Variants in FABP12 observed in about 807,000 individuals in gnomAD.
The protein encoded by FABP12 is fatty acid binding protein 12.
In FABP12, 19 loss-of-function variants were observed where a neutral mutation model predicts 13.7. The ratio of observed to expected loss-of-function variants is 1.39; its 90% CI spans 0.97 to 2.04. The LOEUF (loss-of-function observed/expected upper bound fraction) is 2.04, where lower values mean the gene tolerates loss of function less well. Among genes scored for constraint, FABP12 ranks in the 30% most tolerant of loss-of-function variants. The pLI is 0.00. For missense variants in FABP12, 182 were observed against 164.2 expected, an observed-to-expected ratio of 1.11 and a Z score of -0.59; for synonymous variants, 61 against 57.0, an observed-to-expected ratio of 1.07 and a Z score of -0.32.
intron 1 of FABP12, among the ~76,000 whole-genome samples, chr8:81,531,687 C>A (rs537382703): frequency 6.6e-6 from 1 of 152,160 alleles, no homozygotes; most frequent in Non-Finnish European, 1.5e-5. Context: ...TGCCGTGGAA[C>A]TTTTGTGCCC....
At chr8:81,556,811 G>T (rs1809625224) in intron 1 of FABP12, among the ~76,000 whole-genome samples, 1 of 146,642 alleles carries the variant, frequency 6.8e-6, no homozygotes, top group South Asian at 2.1e-4. Context: ...GCTTAAAACA[G>T]TGCCTAGAAC....
chr8:81,531,524 G>A, intron 1 of FABP12, 134 bp from the exon 2 acceptor site: 1 of 523,142 alleles, frequency 1.9e-6, no homozygotes, highest in Non-Finnish European at 3.3e-6. Flanking sequence ...AAATACATCA[G>A]GATGAAAATG....
At chr8:81,544,854 G>C (rs16909332) in intron 1 of FABP12, among the ~76,000 whole-genome samples, 5,619 of 152,166 alleles carry the variant, frequency 0.037, 237 homozygotes, top group African/African-American at 0.1. Flanking sequence ...AAGTATAATG[G>C]AAGCCCAGTG....
chr8:81,557,722 A>G (rs1809643884), intron 1 of FABP12, among the ~76,000 whole-genome samples: 1 of 152,236 alleles, frequency 6.6e-6, no homozygotes. Flanking sequence ...AAGTAAAATT[A>G]TACTTTAGTT....
At chr8:81,569,588 A>G (rs1319470755) in intron 1 of FABP12, among the ~76,000 whole-genome samples, 1 of 152,226 alleles carries the variant, frequency 6.6e-6, no homozygotes, top group East Asian at 1.9e-4. Context: ...TCTCTCATCA[A>G]AACAAAAAGA....
At chr8:81,537,113 T>G (rs1346106058), upstream of FABP12, among the ~76,000 whole-genome samples, 1 of 152,216 alleles carries the variant, frequency 6.6e-6, no homozygotes, top group Non-Finnish European at 1.5e-5. Flanking sequence ...ATTTATGCCA[T>G]GGATAATGCC....
At chr8:81,574,764 T>C (rs1810004115) in intron 1 of FABP12, among the ~76,000 whole-genome samples, 1 of 152,168 alleles carries the variant, frequency 6.6e-6, no homozygotes, top group Admixed American at 6.5e-5. Context: ...CCTTGAATGA[T>C]GTTTTGTATT....
intron 1 of FABP12, among the ~76,000 whole-genome samples, chr8:81,568,023 T>C (rs1007143795): frequency 1.3e-5 from 2 of 151,440 alleles, no homozygotes; most frequent in African/African-American, 4.9e-5. Context: ...CTCGGGAGGC[T>C]GAGGCAGGAG....
intron 1 of FABP12, among the ~76,000 whole-genome samples, chr8:81,548,295 G>C (rs957803974): frequency 1.3e-5 from 2 of 152,116 alleles, no homozygotes; most frequent in African/African-American, 4.8e-5. Context: ...GCTGTATGCT[G>C]TATGCTGCAT....
intron 1 of FABP12, among the ~76,000 whole-genome samples, chr8:81,568,977 A>G (rs994918692): frequency 6.6e-6 from 1 of 152,172 alleles, no homozygotes; most frequent in Non-Finnish European, 1.5e-5. Context: ...GTGGTGGTGG[A>G]TGGGTGGGGG....
intron 1 of FABP12, among the ~76,000 whole-genome samples, chr8:81,575,695 A>G (rs1258210923): frequency 2.0e-5 from 3 of 152,178 alleles, no homozygotes; most frequent in African/African-American, 7.2e-5. Flanking sequence ...AAGGCCTTTT[A>G]CCATTATGTA....
chr8:81,584,592 T>A (rs1470928119), intron 1 of FABP12, among the ~76,000 whole-genome samples: 1 of 152,008 alleles, frequency 6.6e-6, no homozygotes, highest in Admixed American at 6.5e-5. Flanking sequence ...CCTGACCCAA[T>A]CCCCTGTGAG....
intron 3 of FABP12, among the ~76,000 whole-genome samples, chr8:81,528,868 G>C (rs999491361): frequency 2.0e-5 from 3 of 152,148 alleles, no homozygotes; most frequent in African/African-American, 4.8e-5. Flanking sequence ...GTCCACAGGT[G>C]GTAGTTGAAC....
intron 1 of FABP12, among the ~76,000 whole-genome samples, chr8:81,570,527 G>A (rs143175647): frequency 1.0e-3 from 154 of 152,306 alleles, no homozygotes; most frequent in African/African-American, 3.7e-3. Context: ...TCCTAGCAGA[G>A]AGGGCAGCTC....
rs528979354 is a variant in FABP12 at position 81,531,517 on chromosome 8, T to C, written c.-75-127A>G. Reference sequence around the variant, plus strand: ...GCAGAAAAGCTTTCTTAAATTTAAATACATCAGGATGAAAATGGAAACACA... The same window carrying C: ...GCAGAAAAGCTTTCTTAAATTTAAACACATCAGGATGAAAATGGAAACACA... On this transcript the variant is annotated intron_variant, in intron 1 of 4. Coordinates refer to ENST00000360464, the Ensembl canonical transcript of FABP12. 9.5e-6 allele frequency: 5 copies of C among 523,632 alleles called. No homozygotes were observed. In the African/African-American group the frequency reaches 9.7e-5, roughly 10 times the overall value. The allele number at this position is 523,632 out of a possible 1,614,324, so 32.4% of individuals were successfully genotyped here.
chr8:81,534,144 ACATTATATTG>A, upstream of FABP12, among the ~76,000 whole-genome samples: 1 of 152,046 alleles, frequency 6.6e-6, no homozygotes, highest in South Asian at 2.1e-4. Flanking sequence ...CACACCATAC[ACATTATATTG>A]CATATTTTCC....
chr8:81,527,448 C>T (rs552587903), intron 3 of FABP12, among the ~76,000 whole-genome samples: 7 of 152,152 alleles, frequency 4.6e-5, no homozygotes, highest in South Asian at 2.1e-4. Flanking sequence ...CTGCAACCTC[C>T]GACTCTCTGG....
chr8:81,535,939 G>C (rs1243106964), upstream of FABP12, among the ~76,000 whole-genome samples: 1 of 152,114 alleles, frequency 6.6e-6, no homozygotes, highest in African/African-American at 2.4e-5. Context: ...CAGCACCCTT[G>C]TTGGCTAATC....
At chr8:81,559,910 C>T (rs1425138519) in intron 1 of FABP12, among the ~76,000 whole-genome samples, 1 of 152,164 alleles carries the variant, frequency 6.6e-6, no homozygotes. Context: ...GAAAGGATTT[C>T]CACATAGTTC....
Sources: allele counts gnomAD v4.1 joint callset (sites outside exome capture counted in the v4.1 genomes callset), GRCh38; gene constraint gnomAD v4.1.1; transcripts MANE v1.5; gene names NCBI Gene and HGNC (gene_info 2026-07-23, HGNC 2026-07-21).